Variants in PRPF3 observed in about 807,000 individuals in gnomAD.
PRPF3 encodes the protein U4/U6 small nuclear ribonucleoprotein Prp3.
A neutral mutation model predicts 89.2 loss-of-function variants in PRPF3; 3 were observed. The ratio of observed to expected loss-of-function variants is 0.03; its 90% CI spans 0.02 to 0.09. PRPF3 has a LOEUF of 0.09. Among genes scored for constraint, PRPF3 ranks in the 10% least tolerant of loss-of-function variants. The probability of loss-of-function intolerance (pLI) is 1.00; values close to 1 mark genes in which losing one functional copy is unlikely to be tolerated. For missense variants in PRPF3, 463 were observed against 828.8 expected (o/e 0.56, Z 5.42); for synonymous variants, 270 against 289.1 (o/e 0.93, Z 0.67).
At chr1:150,337,621 C>CA (rs1383011656) in intron 7 of PRPF3, among the ~76,000 whole-genome samples, 2 of 151,490 alleles carry the variant, frequency 1.3e-5, no homozygotes, top group Non-Finnish European at 2.9e-5. Context: ...ACTAAAAATA[C>CA]AAAAAAATGA....
intron 15 of PRPF3, 93 bp downstream of exon 15, chr1:150,349,311 A>C: frequency 5.3e-6 from 5 of 951,346 alleles, no homozygotes; most frequent in Non-Finnish European, 8.6e-6. Flanking sequence ...AGATGTAATC[A>C]GTGAATAATG....
chr1:150,329,560 T>C (rs1298201450), intron 4 of PRPF3, among the ~76,000 whole-genome samples: 2 of 152,218 alleles, frequency 1.3e-5, no homozygotes, highest in South Asian at 2.1e-4. Flanking sequence ...AAAGAAGATA[T>C]AATCCACTGA....
At chr1:150,326,960 C>G (rs904035701) in intron 3 of PRPF3, among the ~76,000 whole-genome samples, 2 of 151,906 alleles carry the variant, frequency 1.3e-5, no homozygotes, top group East Asian at 3.9e-4. Context: ...TATAGAATTT[C>G]AGACCTATGT....
At chr1:150,328,547 A>ATGTTTTTT in intron 4 of PRPF3, 81 bp downstream of exon 4, 1 of 579,110 alleles carries the variant, frequency 1.7e-6, no homozygotes, top group Non-Finnish European at 2.4e-6. Flanking sequence ...TTATTGTGGA[A>ATGTTTTTT]TTTTTTTTTT....
At chr1:150,330,667 T>C (rs1656252821) in intron 4 of PRPF3, among the ~76,000 whole-genome samples, 1 of 151,178 alleles carries the variant, frequency 6.6e-6, no homozygotes, top group South Asian at 2.1e-4. Flanking sequence ...ATGATGTTTT[T>C]TATGGAGAAT....
rs782500686 is a variant in PRPF3 at position 150,325,834 on chromosome 1, A to G, written c.229A>G (p.Arg77Gly). 6.2e-7 allele frequency: 1 copy of G among 1,613,746 alleles called. No homozygotes were observed. The highest frequency in any genetic ancestry group is 8.5e-7 in the Non-Finnish European group (1 of 1,179,754). The change falls in exon 3 of 16, where the codon AGG (arginine) becomes GGG (glycine). Residue 77 changes from arginine (R) to glycine (G), a missense_variant. Coordinates refer to ENST00000324862, the MANE Select transcript of PRPF3 (RefSeq NM_004698.4). The part of the protein sequence containing the change: ...FEAVEEGRSS[R>G]HSKSSSDRSR... ...GGCTGTGGAGGAAGGCCGAAGCTCT[A>G]GGCATTCCAAGTCTAGCAGTGACAG... is the stretch of plus-strand genomic sequence containing the variant.
At chr1:150,348,872 GT>G (rs1658602880) in intron 14 of PRPF3, 1 of 422,408 alleles carries the variant, frequency 2.4e-6, no homozygotes, top group East Asian at 4.9e-5. Context: ...CCTAGGACAA[GT>G]TTTTATTCTT....
intron 7 of PRPF3, among the ~76,000 whole-genome samples, chr1:150,335,805 G>A (rs587600461): frequency 2.0e-4 from 27 of 137,358 alleles, no homozygotes; most frequent in Non-Finnish European, 1.4e-4. Context: ...GTCTTGCACT[G>A]TTACCTGGGC....
intron 14 of PRPF3, among the ~76,000 whole-genome samples, chr1:150,347,546 A>G (rs1261494339): frequency 1.3e-5 from 2 of 152,044 alleles, no homozygotes; most frequent in Non-Finnish European, 2.9e-5. Flanking sequence ...CCTGGCCAAC[A>G]TGGTGAAACC....
rs587741395 is a variant in PRPF3, at chr1:150,337,291, G to C, written c.1036-869G>C. On this transcript the variant is annotated intron_variant, in intron 7 of 15. Transcript: ENST00000324862. ...CCTGACCTCATGATCCTCCCGCCTC[G>C]GCCTCTCAAAGTGCTGGGATTACAG... 2.6e-5 allele frequency among the ~76,000 whole-genome samples: 4 copies of C among 151,178 alleles called. No homozygotes were observed. The East Asian group carries it at 7.9e-4, about 30-fold the overall frequency.
chr1:150,325,133 C>A, intron 2 of PRPF3, 46 bp downstream of exon 2: 1 of 1,600,334 alleles, frequency 6.2e-7, no homozygotes, highest in South Asian at 1.1e-5. Flanking sequence ...AGGGTGACCC[C>A]AAACACTGCT....
intron 7 of PRPF3, among the ~76,000 whole-genome samples, chr1:150,337,013 T>A (rs1253280739): frequency 6.7e-6 from 1 of 148,520 alleles, no homozygotes; most frequent in Non-Finnish European, 1.5e-5. Context: ...CTTTTTATCC[T>A]CTCAAAGTGA....
intron 14 of PRPF3, among the ~76,000 whole-genome samples, chr1:150,347,459 G>A (rs1327543466): frequency 6.6e-6 from 1 of 151,946 alleles, no homozygotes; most frequent in Non-Finnish European, 1.5e-5. Flanking sequence ...GGCCAGGCAC[G>A]GTGGCTCACA....
At position 150,337,638 on chromosome 1, in the gene PRPF3, C is replaced by T. The variant is rs1023540254; in HGVS notation, c.1036-522C>T. Among the ~76,000 whole-genome samples, 30 of 151,476 alleles carry T rather than the reference C, an allele frequency of 2.0e-4. No homozygotes were observed. In the East Asian group the frequency reaches 5.9e-3, roughly 30 times the overall value. On this transcript the variant is annotated intron_variant, in intron 7 of 15. Coordinates refer to ENST00000324862, the MANE Select transcript of PRPF3 (RefSeq NM_004698.4). ...TAAAAATACAAAAAAATGAGCCGGG[C>T]GTGGTGATGGGCGCCTGTAGTCCCA...
At chr1:150,332,023 G>C (rs1656460523) in intron 4 of PRPF3, among the ~76,000 whole-genome samples, 1 of 152,050 alleles carries the variant, frequency 6.6e-6, no homozygotes, top group Non-Finnish European at 1.5e-5. Flanking sequence ...AGGAGATCGA[G>C]ACCATCCTGG....
At chr1:150,339,546 C>T (rs1454860780) in intron 8 of PRPF3, among the ~76,000 whole-genome samples, 1 of 151,504 alleles carries the variant, frequency 6.6e-6, no homozygotes, top group Admixed American at 6.6e-5. Context: ...AAGTGATTCT[C>T]CTGCCTCAGC....
At chr1:150,349,732 A>G (rs1658703306) in intron 15 of PRPF3, among the ~76,000 whole-genome samples, 1 of 152,222 alleles carries the variant, frequency 6.6e-6, no homozygotes, top group South Asian at 2.1e-4. Context: ...ATAGTGCTTC[A>G]TAAAATGTGA....
chr1:150,325,704 G>T, intron 2 of PRPF3, 47 bp from the exon 3 acceptor site: 1 of 1,599,926 alleles, frequency 6.3e-7, no homozygotes, highest in Non-Finnish European at 8.5e-7. Context: ...GTATTAGACT[G>T]TGTACTCTTA....
In PRPF3 at chr1:150,328,704, C is replaced by G. The variant is rs192556784; in HGVS notation, c.423+238C>G. On this transcript the variant is annotated intron_variant, in intron 4 of 15. Transcript: ENST00000324862. ...AGTAGCTGGGATTAGAGGCACCCAC[C>G]ACCAAGCCTGGCTAATTTTTGTATT... Among the ~76,000 whole-genome samples, 114 of 151,914 alleles carry G rather than the reference C, an allele frequency of 7.5e-4. 1 individual carries two copies. Among genetic ancestry groups the G allele is most frequent in the Non-Finnish European group, 1.4e-3 (97 of 67,954 alleles).
Sources: gnomAD v4.1 joint callset for allele counts (sites outside exome capture counted in the v4.1 genomes callset) on GRCh38, gnomAD v4.1.1 for gene constraint, MANE v1.5 for transcripts, NCBI Gene and HGNC (gene_info 2026-07-23, HGNC 2026-07-21) for gene names.